SLC24A3: variants seen among roughly 807,000 people sequenced by gnomAD.
The protein encoded by SLC24A3 is solute carrier family 24 member 3.
Under a neutral mutation model 75.8 loss-of-function variants are expected in SLC24A3, and 28 were observed. The observed-to-expected ratio is 0.37, with a 90% CI of 0.27 to 0.51. The LOEUF is 0.51. Among genes scored for constraint, SLC24A3 ranks in the 20% least tolerant of loss-of-function variants. The pLI, the probability that SLC24A3 is intolerant of heterozygous loss-of-function variation, is 0.94. For synonymous variants in SLC24A3, 372 were observed against 334.1 expected (o/e 1.11, Z -1.24); for missense variants, 663 against 847.8 (o/e 0.78, Z 2.71).
intron 12 of SLC24A3, among the ~76,000 whole-genome samples, chr20:19,689,420 C>T (rs146313842): frequency 0.015 from 2,252 of 152,268 alleles, 26 homozygotes; most frequent in Non-Finnish European, 0.024. Flanking sequence ...GGGCCAGCTC[C>T]GGCCCCTGGC....
chr20:19,327,391 A>T (rs1256099002), intron 2 of SLC24A3, among the ~76,000 whole-genome samples: 2 of 152,222 alleles, frequency 1.3e-5, no homozygotes, highest in Non-Finnish European at 2.9e-5. Context: ...ATGCCAACGG[A>T]TGGAACATAT....
chr20:19,515,366 AG>A (rs1274962699), intron 2 of SLC24A3, 121 bp from the exon 3 acceptor site: 3 of 949,692 alleles, frequency 3.2e-6, no homozygotes, highest in Non-Finnish European at 4.9e-6. Flanking sequence ...GTGAACTTAA[AG>A]ATTCAGGATC....
intron 2 of SLC24A3, among the ~76,000 whole-genome samples, chr20:19,383,342 G>A (rs1248639124): frequency 2.6e-5 from 4 of 152,212 alleles, no homozygotes; most frequent in African/African-American, 9.6e-5. Flanking sequence ...AGATAGGGGA[G>A]ACAAACTGTT....
rs6035408 is a variant in SLC24A3, at chr20:19,684,110, A to G, written c.902-66A>G. ...AAGAGAAAAGAAGGGAAGGAAGAAT[A>G]AATGAATGCCTCTTTCCTGCTCCTG... On this transcript the variant is annotated intron_variant, in intron 10 of 16. Coordinates refer to ENST00000328041, the MANE Select transcript of SLC24A3 (RefSeq NM_020689.4). The G allele has an allele frequency of 7.8e-6, 12 of 1,542,616 alleles. No homozygotes were observed. In the African/African-American group the frequency reaches 1.6e-4, roughly 21 times the overall value.
intron 7 of SLC24A3, among the ~76,000 whole-genome samples, chr20:19,663,565 A>G (rs1230876036): frequency 6.8e-6 from 1 of 147,942 alleles, no homozygotes. Context: ...AGGGGAAACT[A>G]TATCAGTTAT....
chr20:19,546,424 G>A (rs971024772), intron 3 of SLC24A3, among the ~76,000 whole-genome samples: 1 of 152,092 alleles, frequency 6.6e-6, no homozygotes, highest in Non-Finnish European at 1.5e-5. Flanking sequence ...TAAAGTAATA[G>A]ATTACAAACC....
At chr20:19,646,670 A>T (rs1027766960) in intron 6 of SLC24A3, among the ~76,000 whole-genome samples, 1 of 152,172 alleles carries the variant, frequency 6.6e-6, no homozygotes, top group Non-Finnish European at 1.5e-5. Context: ...CAGCACCCTG[A>T]TCAAGAGGGA....
chr20:19,311,239 C>T (rs1984449402), intron 2 of SLC24A3, among the ~76,000 whole-genome samples: 2 of 152,124 alleles, frequency 1.3e-5, no homozygotes, highest in African/African-American at 4.8e-5. Flanking sequence ...TGTTCAAAGG[C>T]TCAAGGCTTC....
chr20:19,668,219 C>T (rs1029588252), intron 8 of SLC24A3, among the ~76,000 whole-genome samples: 11 of 152,218 alleles, frequency 7.2e-5, no homozygotes, highest in Non-Finnish European at 1.6e-4. Context: ...GTCTGTGCCA[C>T]TGGCCCTTAT....
chr20:19,548,448 G>A (rs2030638546), intron 3 of SLC24A3, among the ~76,000 whole-genome samples: 1 of 152,154 alleles, frequency 6.6e-6, no homozygotes, highest in South Asian at 2.1e-4. Context: ...TAGGCTAATT[G>A]TAGTAACAAA....
chr20:19,261,585 G>C (rs1289790980), intron 1 of SLC24A3: 2 of 151,938 alleles, frequency 1.3e-5, no homozygotes, highest in African/African-American at 4.8e-5. Context: ...CTGGCCTCAC[G>C]CGATCCTTCC....
intron 2 of SLC24A3, among the ~76,000 whole-genome samples, chr20:19,304,288 C>T (rs1431038018): frequency 1.3e-5 from 2 of 152,194 alleles, no homozygotes; most frequent in Non-Finnish European, 2.9e-5. Context: ...GGTCTTTAAG[C>T]CACCTGGCTC....
chr20:19,611,274 C>T (rs1162171500), intron 6 of SLC24A3, among the ~76,000 whole-genome samples: 1 of 152,226 alleles, frequency 6.6e-6, no homozygotes, highest in East Asian at 1.9e-4. Flanking sequence ...AGATTCCTCA[C>T]TTCTCTGCCT....
At chr20:19,714,506 C>T (rs1382376256) in intron 15 of SLC24A3, among the ~76,000 whole-genome samples, 2 of 151,918 alleles carry the variant, frequency 1.3e-5, no homozygotes, top group Non-Finnish European at 2.9e-5. Flanking sequence ...TGAGCTGGGC[C>T]AGAAGGCAGC....
intron 2 of SLC24A3, among the ~76,000 whole-genome samples, chr20:19,322,110 T>A (rs913405135): frequency 1.3e-5 from 2 of 152,176 alleles, no homozygotes; most frequent in Non-Finnish European, 2.9e-5. Context: ...CTCTGACTGC[T>A]TGGTTATGAA....
intron 2 of SLC24A3, among the ~76,000 whole-genome samples, chr20:19,358,499 A>G (rs2122336063): frequency 6.6e-6 from 1 of 152,256 alleles, no homozygotes. Context: ...TGAGCTTTCA[A>G]ATGGGATTAC....
At chr20:19,534,173 A>G (rs1434822746) in intron 3 of SLC24A3, among the ~76,000 whole-genome samples, 1 of 152,274 alleles carries the variant, frequency 6.6e-6, no homozygotes, top group Non-Finnish European at 1.5e-5. Flanking sequence ...CTGTAAATAT[A>G]GAATGTTGGC....
intron 6 of SLC24A3, among the ~76,000 whole-genome samples, chr20:19,627,537 A>G (rs2031879903): frequency 6.6e-6 from 1 of 152,180 alleles, no homozygotes; most frequent in East Asian, 1.9e-4. Flanking sequence ...AGATGGACTG[A>G]GGATGGGGGG....
chr20:19,391,056 TGA>T (rs1986356558), intron 2 of SLC24A3, among the ~76,000 whole-genome samples: 1 of 152,206 alleles, frequency 6.6e-6, no homozygotes, highest in Non-Finnish European at 1.5e-5. Flanking sequence ...AGGGCAGGTC[TGA>T]GATCAGCGGC....
Sources: gnomAD v4.1 joint callset for allele counts (sites outside exome capture counted in the v4.1 genomes callset) on GRCh38, gnomAD v4.1.1 for gene constraint, MANE v1.5 for transcripts, NCBI Gene and HGNC (gene_info 2026-07-23, HGNC 2026-07-21) for gene names.